The following COL6A6 variants were observed in gnomAD, a reference collection of about 807,000 sequenced individuals.
COL6A6 encodes collagen type VI alpha 6 chain, also known as collagen alpha-6(VI) chain.
Under a neutral mutation model 208.6 loss-of-function variants are expected in COL6A6, and 183 were observed. That is an observed-to-expected ratio of 0.88 (90% CI 0.78 to 0.99). The LOEUF (loss-of-function observed/expected upper bound fraction) is 0.99. COL6A6 is among the 50% of genes least tolerant of loss of function. COL6A6 has a pLI of 0.00. For missense variants in COL6A6, 2,816 were observed against 2,815.2 expected (o/e 1.00, Z -0.01); for synonymous variants, 973 against 1,011.8 (o/e 0.96, Z 0.73).
rs2066038727 is a variant in COL6A6, at chr3:130,665,054, T to TTA, written c.6555_6556dup (p.Asn2186IlefsTer4). On this transcript the variant is annotated frameshift_variant, in exon 36 of 37. Transcript: ENST00000358511. LOFTEE classifies it low-confidence loss of function (END_TRUNC). ...AACTTAAAAATAAAGTGCAACAGAC[T>TTA]TAACTCTATAGATCCAAAGCAGCCC... 2 of 1,610,698 alleles carry TTA rather than the reference T, an allele frequency of 1.2e-6. No individual in the cohort carries two copies. The highest frequency in any genetic ancestry group is 1.7e-6 in the Non-Finnish European group (2 of 1,178,528).
intron 26 of COL6A6, among the ~76,000 whole-genome samples, chr3:130,628,471 C>A (rs538154977): frequency 6.6e-6 from 1 of 152,264 alleles, no homozygotes; most frequent in South Asian, 2.1e-4. Flanking sequence ...TGTATATAAT[C>A]TTTCTGGGCA....
At chr3:130,553,645 T>G (rs2062698517) in intron 1 of COL6A6, among the ~76,000 whole-genome samples, 1 of 152,130 alleles carries the variant, frequency 6.6e-6, no homozygotes, top group South Asian at 2.1e-4. Context: ...GGTTTTTTTT[T>G]TCTGCCATTT....
At chr3:130,664,215 T>G (rs553312086) in intron 35 of COL6A6, among the ~76,000 whole-genome samples, 6 of 152,172 alleles carry the variant, frequency 3.9e-5, no homozygotes, top group Non-Finnish European at 7.3e-5. Flanking sequence ...CATCTGATAC[T>G]TAACACAGAT....
intron 1 of COL6A6, among the ~76,000 whole-genome samples, chr3:130,526,493 G>A (rs762612370): frequency 6.6e-6 from 1 of 152,144 alleles, no homozygotes; most frequent in Non-Finnish European, 1.5e-5. Flanking sequence ...GAACATAGGT[G>A]CACCAATCTA....
chr3:130,618,432 AAAG>A (rs1343691180), intron 23 of COL6A6, among the ~76,000 whole-genome samples: 5 of 152,234 alleles, frequency 3.3e-5, no homozygotes, highest in East Asian at 1.9e-4. Flanking sequence ...CATCAAAGCC[AAAG>A]AAGATTTGAT....
At chr3:130,594,788 A>G (rs1378235138) in intron 18 of COL6A6, among the ~76,000 whole-genome samples, 1 of 152,180 alleles carries the variant, frequency 6.6e-6, no homozygotes, top group Non-Finnish European at 1.5e-5. Context: ...ATAGTTCCAC[A>G]TGGCTGAGGT....
intron 20 of COL6A6, among the ~76,000 whole-genome samples, chr3:130,600,862 C>A (rs1428056935): frequency 1.3e-5 from 2 of 150,458 alleles, no homozygotes; most frequent in Non-Finnish European, 3.0e-5. Flanking sequence ...TATCCTGGAA[C>A]TTAAAATAAA....
chr3:130,610,844 T>C, intron 23 of COL6A6, 133 bp downstream of exon 23: 1 of 647,972 alleles, frequency 1.5e-6, no homozygotes. Flanking sequence ...TTCAGCTCAA[T>C]GTGGTGGCCA....
chr3:130,615,836 T>G (rs369145417), intron 23 of COL6A6, among the ~76,000 whole-genome samples: 1 of 152,144 alleles, frequency 6.6e-6, no homozygotes, highest in Non-Finnish European at 1.5e-5. Flanking sequence ...GAATCCAAAA[T>G]TGCATCCACT....
At chr3:130,670,940 C>CCCAAGA (rs2066197216) in intron 36 of COL6A6, among the ~76,000 whole-genome samples, 1 of 152,160 alleles carries the variant, frequency 6.6e-6, no homozygotes, top group Non-Finnish European at 1.5e-5. Flanking sequence ...GACAATTCTT[C>CCCAAGA]CAGTGTCGCC....
chr3:130,665,882 CAT>C (rs1007186923), intron 36 of COL6A6, among the ~76,000 whole-genome samples: 14 of 152,160 alleles, frequency 9.2e-5, no homozygotes, highest in African/African-American at 3.4e-4. Context: ...GAACCACTCA[CAT>C]GTTACTTATT....
At chr3:130,585,026 TTCATATAAAATCATA>T (rs1291230275) in intron 10 of COL6A6, among the ~76,000 whole-genome samples, 1 of 152,202 alleles carries the variant, frequency 6.6e-6, no homozygotes, top group Non-Finnish European at 1.5e-5. Context: ...ATCTACTCAT[TTCATATAAAATCATA>T]TCATATAAAT....
At chr3:130,530,706 A>G (rs1263161676) in intron 1 of COL6A6, among the ~76,000 whole-genome samples, 4 of 152,204 alleles carry the variant, frequency 2.6e-5, no homozygotes, top group African/African-American at 9.6e-5. Flanking sequence ...GTCAAACACC[A>G]GTCTCCGTGT....
chr3:130,582,465 A>G (rs940812700), intron 10 of COL6A6, among the ~76,000 whole-genome samples: 8 of 152,128 alleles, frequency 5.3e-5, no homozygotes, highest in Admixed American at 2.0e-4. Context: ...TAACACTCTT[A>G]AAGTTCCCAG....
chr3:130,589,798 T>C (rs1412009740), intron 12 of COL6A6, among the ~76,000 whole-genome samples: 1 of 152,228 alleles, frequency 6.6e-6, no homozygotes, highest in East Asian at 1.9e-4. Flanking sequence ...CTTTAAGAAA[T>C]GTTTAAATAC....
chr3:130,551,476 G>GT (rs1235985793), intron 1 of COL6A6, among the ~76,000 whole-genome samples: 2 of 152,090 alleles, frequency 1.3e-5, no homozygotes, highest in Non-Finnish European at 2.9e-5. Flanking sequence ...AGGAATCGGA[G>GT]TTTTTTGTAT....
chr3:130,649,790 T>C (rs2065581461), intron 33 of COL6A6, among the ~76,000 whole-genome samples: 1 of 152,186 alleles, frequency 6.6e-6, no homozygotes, highest in African/African-American at 2.4e-5. Context: ...TCACAAGTAG[T>C]ATGTATAAAA....
intron 26 of COL6A6, among the ~76,000 whole-genome samples, chr3:130,634,042 TAG>T (rs2065022099): frequency 1.8e-5 from 1 of 55,016 alleles, no homozygotes. Flanking sequence ...CCCTAAAACT[TAG>T]AGTATAATAA....
At position 130,574,165 on chromosome 3, in the gene COL6A6, A is replaced by G. The variant is rs779432682; in HGVS notation, c.3187A>G (p.Ile1063Val). 40 of 1,613,902 alleles carry G rather than the reference A, an allele frequency of 2.5e-5. No individual in the cohort carries two copies. Among genetic ancestry groups the G allele is most frequent in the Non-Finnish European group, 3.3e-5 (39 of 1,179,900 alleles). ...GGGAACTTTCATAGGTGAAAAAGAG[A>G]TATCATTTCAGATTGAAAACATCAA... ...PLGTFIGEKE[I>V]SFQIENIKQI... Residue 1063 changes from isoleucine (I) to valine (V), a missense_variant, in exon 8 of 37, where the codon ATA (isoleucine) becomes GTA (valine). Ile to Val is a conservative substitution (Grantham distance 29). Transcript: ENST00000358511.
Sources: gnomAD v4.1 joint callset for allele counts (sites outside exome capture counted in the v4.1 genomes callset) on GRCh38, gnomAD v4.1.1 for gene constraint, MANE v1.5 for transcripts, NCBI Gene and HGNC (gene_info 2026-07-23, HGNC 2026-07-21) for gene names.